Variants in PPDPFL observed in about 807,000 individuals in gnomAD.
PPDPFL encodes pancreatic progenitor cell differentiation and proliferation factor like.
Under a neutral mutation model 12.6 loss-of-function variants are expected in PPDPFL, and 12 were observed. The ratio of observed to expected loss-of-function variants is 0.95; its 90% CI spans 0.61 to 1.54. The LOEUF is 1.54. Among genes scored for constraint, PPDPFL ranks in the 40% most tolerant of loss-of-function variants. The pLI, the probability that PPDPFL is intolerant of heterozygous loss-of-function variation, is 0.00. For missense variants in PPDPFL, 114 were observed against 96.0 expected, an observed-to-expected ratio of 1.19 and a Z score of -0.78; for synonymous variants, 24 against 32.7, an observed-to-expected ratio of 0.73 and a Z score of 0.91.
chr8:49,059,584 A>C (rs1184412769), intron 1 of PPDPFL, among the ~76,000 whole-genome samples: 1 of 152,228 alleles, frequency 6.6e-6, no homozygotes, highest in Non-Finnish European at 1.5e-5. Context: ...AACTATTGTT[A>C]TGCAAACACT....
chr8:49,055,544 T>A (rs970982341), intron 1 of PPDPFL, among the ~76,000 whole-genome samples: 2 of 152,104 alleles, frequency 1.3e-5, no homozygotes, highest in Non-Finnish European at 2.9e-5. Flanking sequence ...GACTTTTGGT[T>A]TTAAATATGA....
chr8:49,056,356 T>C (rs988741743), intron 1 of PPDPFL, among the ~76,000 whole-genome samples: 1 of 152,208 alleles, frequency 6.6e-6, no homozygotes, highest in Admixed American at 6.5e-5. Context: ...TCTGCCCAAA[T>C]GGACCCTCCT....
chr8:49,067,507 T>C (rs1808317704), upstream of PPDPFL, among the ~76,000 whole-genome samples: 1 of 152,246 alleles, frequency 6.6e-6, no homozygotes, highest in African/African-American at 2.4e-5. Context: ...GATCCTCTCA[T>C]ACTGCACACA....
chr8:49,057,506 G>A (rs1208893800), intron 1 of PPDPFL, among the ~76,000 whole-genome samples: 2 of 152,092 alleles, frequency 1.3e-5, no homozygotes, highest in African/African-American at 4.8e-5. Context: ...GCCTCTGTAT[G>A]CATTGATAGC....
intron 1 of PPDPFL, 27 bp from the exon 2 acceptor site, chr8:49,072,759 AT>A: frequency 1.8e-6 from 2 of 1,137,228 alleles, no homozygotes. Flanking sequence ...ATTCATATCA[AT>A]GTCTCTTTTC....
intron 1 of PPDPFL, among the ~76,000 whole-genome samples, chr8:49,057,282 A>C (rs1808125733): frequency 1.3e-5 from 2 of 152,152 alleles, no homozygotes; most frequent in Non-Finnish European, 2.9e-5. Flanking sequence ...GTCTGAATGA[A>C]GGGTCGTGAA....
chr8:49,067,560 A>G (rs536462555), upstream of PPDPFL, among the ~76,000 whole-genome samples: 21 of 152,372 alleles, frequency 1.4e-4, no homozygotes, highest in African/African-American at 5.0e-4. Flanking sequence ...GTGAATTATT[A>G]GCAAGTTTAG....
rs1264046439 is a variant in PPDPFL at position 49,065,239 on chromosome 8, TC to T, written c.-44-7542del. On this transcript the variant is annotated intron_variant, in intron 1 of 4. Coordinates refer to the PPDPFL transcript ENST00000517663. The stretch of plus-strand genomic sequence containing the variant: ...TTTGCATCAGAAAGGGGAACTCACC[TC>T]CCCCCAGTGTATGAGTTAACATTGA... Among the ~76,000 whole-genome samples, 4 of 152,184 alleles carry T rather than the reference TC, an allele frequency of 2.6e-5. No homozygotes were observed. The East Asian group carries it at 5.8e-4, about 22-fold the overall frequency.
intron 1 of PPDPFL, among the ~76,000 whole-genome samples, chr8:49,056,294 T>C (rs964765255): frequency 1.3e-5 from 2 of 152,176 alleles, no homozygotes; most frequent in African/African-American, 4.8e-5. Context: ...TCTTGTTGTT[T>C]GGAACTTTCC....
At chr8:49,074,703 A>G in intron 4 of PPDPFL, 2 of 1,467,266 alleles carry the variant, frequency 1.4e-6, no homozygotes, top group Non-Finnish European at 1.8e-6. Context: ...TAACCTTAGG[A>G]TAACACTGCT....
chr8:49,063,380 A>C (rs932108094), intron 1 of PPDPFL, among the ~76,000 whole-genome samples: 2 of 152,146 alleles, frequency 1.3e-5, no homozygotes, highest in African/African-American at 4.8e-5. Context: ...ATGTTTTAAA[A>C]ATTGCATCCT....
At chr8:49,074,903 A>G in intron 4 of PPDPFL, 1 of 1,389,722 alleles carries the variant, frequency 7.2e-7, no homozygotes, top group Non-Finnish European at 9.4e-7. Context: ...GAAAGAATCT[A>G]TAATAAAGGG....
intron 1 of PPDPFL, among the ~76,000 whole-genome samples, chr8:49,054,963 C>T (rs1312745148): frequency 6.6e-6 from 1 of 152,112 alleles, no homozygotes; most frequent in Non-Finnish European, 1.5e-5. Context: ...TCCGTGTGTG[C>T]TTTTAATTCT....
intron 1 of PPDPFL, among the ~76,000 whole-genome samples, chr8:49,055,619 A>G (rs1808100886): frequency 6.6e-6 from 1 of 152,154 alleles, no homozygotes; most frequent in South Asian, 2.1e-4. Context: ...TGAATAATAA[A>G]TGCCAGGTCT....
intron 1 of PPDPFL, among the ~76,000 whole-genome samples, chr8:49,065,799 C>A (rs2129244674): frequency 6.6e-6 from 1 of 152,270 alleles, no homozygotes; most frequent in African/African-American, 2.4e-5. Flanking sequence ...GCCTTTGCTC[C>A]TTGGCAGCCC....
rs1438402337 is a variant in PPDPFL, at chr8:49,075,376, G to C, written c.*203G>C. ...GAAATGTGTCTGAGATCTCATTTATGAGACAAGATCACAGCAGCCACTGAT... is the reference window on the plus strand; with the variant it reads ...GAAATGTGTCTGAGATCTCATTTATCAGACAAGATCACAGCAGCCACTGAT... On this transcript the variant is annotated 3_prime_UTR_variant, in exon 5 of 5. Transcript: ENST00000522267. The C allele has an allele frequency of 6.5e-6, 7 of 1,084,348 alleles. No homozygotes were observed. The highest frequency in any genetic ancestry group is 2.3e-4 in the Middle Eastern group (1 of 4,406). The allele number at this position is 1,084,348 out of a possible 1,614,324, so 67.2% of individuals were successfully genotyped here.
In PPDPFL at chr8:49,075,529, ATGT is replaced by A. The variant is rs1327759842; in HGVS notation, c.*360_*362del. 7 of 509,734 alleles carry A rather than the reference ATGT, an allele frequency of 1.4e-5. No homozygotes were observed. The highest frequency in any genetic ancestry group is 1.7e-5 in the Non-Finnish European group (5 of 286,258). 31.6% of individuals were successfully genotyped at this position (509,734 alleles called of 1,614,324 possible). On this transcript the variant is annotated 3_prime_UTR_variant, in exon 5 of 5. Coordinates refer to ENST00000522267, the MANE Select transcript of PPDPFL (RefSeq NM_001256597.2). Reference sequence around the variant, plus strand: ...CCCTTTTAAAGTAATATGTCTTCAAATGTTGTGACTTACATAAAGTAGCTCTTT... The same window carrying A: ...CCCTTTTAAAGTAATATGTCTTCAAATGTGACTTACATAAAGTAGCTCTTT...
At chr8:49,073,006 A>C (rs1808420592) in intron 2 of PPDPFL, 121 bp downstream of exon 2, 3 of 906,566 alleles carry the variant, frequency 3.3e-6, no homozygotes, top group Non-Finnish European at 5.1e-6. Flanking sequence ...TATTGGTGAC[A>C]ATGAAGAAAG....
At chr8:49,074,998 A>G in intron 4 of PPDPFL, 154 bp from the exon 5 acceptor site, 1 of 1,383,232 alleles carries the variant, frequency 7.2e-7, no homozygotes, top group African/African-American at 1.5e-5. Context: ...TAAAATTAGA[A>G]TCATTATTTA....
Sources: gnomAD v4.1 joint callset for allele counts (sites outside exome capture counted in the v4.1 genomes callset) on GRCh38, gnomAD v4.1.1 for gene constraint, MANE v1.5 for transcripts, NCBI Gene and HGNC (gene_info 2026-07-23, HGNC 2026-07-21) for gene names.